Variants in RPS6KC1 observed in about 807,000 individuals in gnomAD.
RPS6KC1 encodes ribosomal protein S6 kinase C1.
In RPS6KC1, 54 loss-of-function variants were observed where a neutral mutation model predicts 103.8. The observed-to-expected ratio is 0.52, with a 90% CI of 0.42 to 0.65. RPS6KC1 has a LOEUF of 0.65. Ranked by LOEUF, RPS6KC1 falls within the 30% of genes least tolerant of loss-of-function variation. The pLI is 0.00. For missense variants in RPS6KC1, 1,151 were observed against 1,253.8 expected (o/e 0.92, Z 1.24); for synonymous variants, 439 against 438.7 (o/e 1.00, Z -0.01).
At chr1:213,642,662 T>G in the RPS6KC1 span, among the ~76,000 whole-genome samples, 7 of 152,034 alleles carry the variant, frequency 4.6e-5, no homozygotes, top group Non-Finnish European at 1.0e-4. Flanking sequence ...AAATTATTAT[T>G]TGTTAGTGTA....
chr1:213,513,540 T>G, the RPS6KC1 span, among the ~76,000 whole-genome samples: 1 of 152,156 alleles, frequency 6.6e-6, no homozygotes, highest in Non-Finnish European at 1.5e-5. Context: ...TCTACAACAA[T>G]TTTTGGAGAG....
chr1:213,579,611 AGAG>A, the RPS6KC1 span, among the ~76,000 whole-genome samples: 10 of 152,092 alleles, frequency 6.6e-5, no homozygotes, highest in African/African-American at 2.2e-4. Flanking sequence ...TCTTAGCTAG[AGAG>A]GAGAAGTCAA....
intron 6 of RPS6KC1, among the ~76,000 whole-genome samples, chr1:213,137,851 A>T (rs1210809710): frequency 1.0e-5 from 1 of 96,378 alleles, no homozygotes; most frequent in Non-Finnish European, 1.9e-5. Context: ...CCACCAAGGG[A>T]TCTCTTAAGC....
chr1:213,673,761 G>T, the RPS6KC1 span, among the ~76,000 whole-genome samples: 5 of 152,296 alleles, frequency 3.3e-5, no homozygotes, highest in South Asian at 1.0e-3. Context: ...CATTTAGTGT[G>T]AATTGGGTTT....
intron 1 of RPS6KC1, among the ~76,000 whole-genome samples, chr1:213,066,394 AC>A (rs552846204): frequency 6.6e-6 from 1 of 152,176 alleles, no homozygotes; most frequent in Non-Finnish European, 1.5e-5. Context: ...GATTTTCCAA[AC>A]CCTGTCTAAA....
chr1:213,160,210 C>T (rs1285865200), intron 6 of RPS6KC1, among the ~76,000 whole-genome samples: 1 of 152,076 alleles, frequency 6.6e-6, no homozygotes, highest in Non-Finnish European at 1.5e-5. Flanking sequence ...TGAAAAATAG[C>T]CAGGTCATTA....
chr1:213,276,347 T>G (rs2095112402), downstream of RPS6KC1, among the ~76,000 whole-genome samples: 1 of 152,224 alleles, frequency 6.6e-6, no homozygotes, highest in African/African-American at 2.4e-5. Flanking sequence ...GGACTTGATT[T>G]AAACTCTGGT....
intron 1 of RPS6KC1, 79 bp downstream of exon 1, chr1:213,051,588 C>A: frequency 9.6e-7 from 1 of 1,043,772 alleles, no homozygotes; most frequent in Non-Finnish European, 1.4e-6. Flanking sequence ...TGTGAGGGTA[C>A]CTGACTCTGG....
At chr1:213,118,449 G>C (rs1328271405) in intron 5 of RPS6KC1, among the ~76,000 whole-genome samples, 1 of 152,094 alleles carries the variant, frequency 6.6e-6, no homozygotes, top group Non-Finnish European at 1.5e-5. Flanking sequence ...TCTCTTTCAT[G>C]AGTAAGAGTT....
chr1:213,179,238 A>C (rs2092097964), intron 8 of RPS6KC1, among the ~76,000 whole-genome samples: 1 of 151,962 alleles, frequency 6.6e-6, no homozygotes, highest in African/African-American at 2.4e-5. Flanking sequence ...AATATGGGGA[A>C]ACCCCATCTC....
At chr1:213,266,581 T>C (rs2094916918) in intron 14 of RPS6KC1, among the ~76,000 whole-genome samples, 1 of 152,082 alleles carries the variant, frequency 6.6e-6, no homozygotes, top group African/African-American at 2.4e-5. Context: ...GATCAAAGGA[T>C]ACAACAATCT....
chr1:213,471,678 A>G, the RPS6KC1 span, among the ~76,000 whole-genome samples: 1 of 152,082 alleles, frequency 6.6e-6, no homozygotes. Context: ...TGACTAAAGG[A>G]CCACTGAGAA....
intron 8 of RPS6KC1, among the ~76,000 whole-genome samples, chr1:213,228,804 T>C (rs1481492908): frequency 6.6e-6 from 1 of 152,072 alleles, no homozygotes; most frequent in Admixed American, 6.6e-5. Flanking sequence ...TACACCTGGG[T>C]AAAGTATAGC....
chr1:213,104,383 G>C (rs2082278915), intron 3 of RPS6KC1, 71 bp from the exon 4 acceptor site: 14 of 981,126 alleles, frequency 1.4e-5, no homozygotes, highest in South Asian at 5.9e-5. Flanking sequence ...TTTCTGATCT[G>C]TGGACGTAAA....
chr1:213,339,731 C>G, the RPS6KC1 span, among the ~76,000 whole-genome samples: 1 of 152,274 alleles, frequency 6.6e-6, no homozygotes, highest in African/African-American at 2.4e-5. Context: ...CAGAGGCTGC[C>G]TTAGATGTGG....
the RPS6KC1 span, among the ~76,000 whole-genome samples, chr1:213,637,037 G>A: frequency 3.9e-5 from 6 of 152,008 alleles, no homozygotes; most frequent in Non-Finnish European, 8.8e-5. Flanking sequence ...TGGCCATCAG[G>A]GAAATGCAAA....
the RPS6KC1 span, among the ~76,000 whole-genome samples, chr1:213,502,941 A>AGCATATGAAATTGAG: frequency 3.9e-5 from 6 of 152,182 alleles, no homozygotes. Context: ...GAGCCAGGAA[A>AGCATATGAAATTGAG]GCATATGAAA....
the RPS6KC1 span, among the ~76,000 whole-genome samples, chr1:213,535,939 G>C: frequency 6.6e-6 from 1 of 152,150 alleles, no homozygotes; most frequent in South Asian, 2.1e-4. Flanking sequence ...GCTCCTGGCT[G>C]CCTGGGTTTA....
At chr1:213,451,058 ATACT>A in the RPS6KC1 span, among the ~76,000 whole-genome samples, 8 of 152,296 alleles carry the variant, frequency 5.3e-5, no homozygotes, top group Non-Finnish European at 2.9e-5. Flanking sequence ...ATTGGAAAAA[ATACT>A]TAGTTCACAT....
Sources: allele counts gnomAD v4.1 joint callset (sites outside exome capture counted in the v4.1 genomes callset), GRCh38; gene constraint gnomAD v4.1.1; transcripts MANE v1.5; gene names NCBI Gene and HGNC (gene_info 2026-07-23, HGNC 2026-07-21).